PCDH9: variants seen among roughly 807,000 people sequenced by gnomAD.
PCDH9 encodes the protein protocadherin-9.
Under a neutral mutation model 70.6 loss-of-function variants are expected in PCDH9, and 24 were observed. The observed-to-expected ratio is 0.34, with a 90% CI of 0.25 to 0.48. The LOEUF (loss-of-function observed/expected upper bound fraction) is 0.48, where lower values mean the gene tolerates loss of function less well. PCDH9 is among the 20% of genes least tolerant of loss of function. The pLI is 0.99. For missense variants in PCDH9, 1,281 were observed against 1,503.6 expected, an observed-to-expected ratio of 0.85 and a Z score of 2.45; for synonymous variants, 562 against 558.5, an observed-to-expected ratio of 1.01 and a Z score of -0.09.
intron 2 of PCDH9, among the ~76,000 whole-genome samples, chr13:67,035,291 G>A (rs1290520379): frequency 6.6e-6 from 1 of 152,156 alleles, no homozygotes; most frequent in East Asian, 1.9e-4. Context: ...TGGATGTGGT[G>A]CATATAGCTT....
chr13:66,860,909 A>G (rs761596748), intron 3 of PCDH9, among the ~76,000 whole-genome samples: 19 of 152,224 alleles, frequency 1.2e-4, no homozygotes, highest in Non-Finnish European at 2.6e-4. Context: ...AGGCATGAAA[A>G]GCTACATTTT....
intron 4 of PCDH9, among the ~76,000 whole-genome samples, chr13:66,609,137 T>C (rs190313606): frequency 2.3e-3 from 356 of 152,046 alleles, no homozygotes; most frequent in African/African-American, 8.2e-3. Flanking sequence ...AAATTAGCTG[T>C]TTATATAATC....
At chr13:66,610,396 C>A (rs975499016) in intron 4 of PCDH9, among the ~76,000 whole-genome samples, 4 of 152,052 alleles carry the variant, frequency 2.6e-5, no homozygotes, top group African/African-American at 9.7e-5. Context: ...TAGGGCCCTG[C>A]AGATCATAAA....
At position 67,063,029 on chromosome 13, in the gene PCDH9, A is replaced by T. The variant is rs1300221623; in HGVS notation, c.3037-159424T>A. ...GGTTATGCAAATCAGGATAGTCTAG[A>T]TTATGCTGCAGAAAATAGCCCCAGA... On this transcript the variant is annotated intron_variant, in intron 2 of 4. Transcript: ENST00000377865. 3.9e-5 allele frequency among the ~76,000 whole-genome samples: 6 copies of T among 152,276 alleles called. No individual in the cohort carries two copies. The East Asian group carries it at 1.2e-3, about 29-fold the overall frequency.
chr13:66,982,134 T>C (rs1399585278), intron 2 of PCDH9, among the ~76,000 whole-genome samples: 3 of 152,318 alleles, frequency 2.0e-5, no homozygotes, highest in Non-Finnish European at 2.9e-5. Context: ...ACTCTCTCTC[T>C]TGCTCCTGCT....
chr13:66,739,342 C>A (rs1001360229), intron 3 of PCDH9, among the ~76,000 whole-genome samples: 3 of 132,690 alleles, frequency 2.3e-5, no homozygotes, highest in African/African-American at 8.0e-5. Flanking sequence ...CTGAAGGAAG[C>A]GCTAAGCATG....
At chr13:67,125,590 T>C (rs1028155799) in intron 2 of PCDH9, among the ~76,000 whole-genome samples, 6 of 152,172 alleles carry the variant, frequency 3.9e-5, no homozygotes, top group Non-Finnish European at 7.3e-5. Flanking sequence ...TTTATGTCAC[T>C]AATCTCTGTT....
chr13:66,698,088 T>C (rs2139099261), intron 3 of PCDH9, among the ~76,000 whole-genome samples: 1 of 152,230 alleles, frequency 6.6e-6, no homozygotes, highest in East Asian at 1.9e-4. Context: ...TTCATAGAGA[T>C]AGAAAATAGA....
chr13:66,928,086 T>C (rs2082744950), intron 2 of PCDH9, among the ~76,000 whole-genome samples: 1 of 152,108 alleles, frequency 6.6e-6, no homozygotes, highest in African/African-American at 2.4e-5. Flanking sequence ...TCTCTGAAGA[T>C]AATCAGGTGG....
chr13:67,069,728 C>G (rs566497037), intron 2 of PCDH9, among the ~76,000 whole-genome samples: 1 of 152,058 alleles, frequency 6.6e-6, no homozygotes, highest in East Asian at 1.9e-4. Flanking sequence ...TATTTATTTA[C>G]TGTGAGGAAA....
chr13:66,657,258 A>C (rs1037630982), intron 3 of PCDH9, among the ~76,000 whole-genome samples: 12 of 152,176 alleles, frequency 7.9e-5, no homozygotes, highest in African/African-American at 2.9e-4. Context: ...GCTATCTCTT[A>C]GTCTCTCCTA....
chr13:67,211,520 A>G (rs1593627391), intron 2 of PCDH9: 1 of 152,218 alleles, frequency 6.6e-6, no homozygotes, highest in African/African-American at 2.4e-5. Context: ...ACCTTCCTAT[A>G]TAAACATTTA....
At chr13:66,913,626 G>A (rs1015999767) in intron 2 of PCDH9, among the ~76,000 whole-genome samples, 1 of 151,838 alleles carries the variant, frequency 6.6e-6, no homozygotes, top group South Asian at 2.1e-4. Flanking sequence ...TATCCAAGTC[G>A]AAAATGTAAG....
chr13:66,843,470 T>C (rs1378248215), intron 3 of PCDH9, among the ~76,000 whole-genome samples: 1 of 152,202 alleles, frequency 6.6e-6, no homozygotes, highest in African/African-American at 2.4e-5. Context: ...ATTGAATATT[T>C]GCTGTTGCCT....
intron 4 of PCDH9, among the ~76,000 whole-genome samples, chr13:66,361,833 G>A (rs950353725): frequency 7.2e-5 from 11 of 152,106 alleles, no homozygotes; most frequent in African/African-American, 2.7e-4. Context: ...GATAGCCGCT[G>A]CCTTGATTAA....
At chr13:66,433,930 T>C (rs982341343) in intron 4 of PCDH9, among the ~76,000 whole-genome samples, 1 of 151,862 alleles carries the variant, frequency 6.6e-6, no homozygotes, top group Non-Finnish European at 1.5e-5. Context: ...GACTGATCTT[T>C]TGCTTGAATA....
chr13:66,571,433 G>A (rs2076731324), intron 4 of PCDH9, among the ~76,000 whole-genome samples: 1 of 151,884 alleles, frequency 6.6e-6, no homozygotes, highest in African/African-American at 2.4e-5. Flanking sequence ...GCCATAGATT[G>A]AATGTTATGG....
At chr13:66,438,664 A>T (rs1027025506) in intron 4 of PCDH9, among the ~76,000 whole-genome samples, 2 of 152,198 alleles carry the variant, frequency 1.3e-5, no homozygotes, top group African/African-American at 4.8e-5. Context: ...GGCCCAACCC[A>T]TACAAGCCCA....
chr13:66,631,217 G>A lies in PCDH9; in HGVS notation c.3333C>T (p.Pro1111=), dbSNP rs1226469368. ...ATTTTGAAGGGGACTCACCAGAGTT[G>A]GGATCAGAGTTGCCATCTGCTTCAG... ...KRTEADGNSD[P]NSDGPLGPRG... is the part of the protein sequence containing the mutation. Residue 1111 remains proline, a synonymous_variant, in exon 4 of 5, where the codon CCC becomes CCT. Transcript: ENST00000377865. 1 of 1,568,366 alleles carries A rather than the reference G, an allele frequency of 6.4e-7. No individual in the cohort carries two copies. The highest frequency in any genetic ancestry group is 2.2e-5 in the East Asian group (1 of 44,662).
Sources: allele counts gnomAD v4.1 joint callset (sites outside exome capture counted in the v4.1 genomes callset), GRCh38; gene constraint gnomAD v4.1.1; transcripts MANE v1.5; gene names NCBI Gene and HGNC (gene_info 2026-07-23, HGNC 2026-07-21).